CPNE8: variants seen among roughly 807,000 people sequenced by gnomAD.
CPNE8 encodes the protein copine-8.
A neutral mutation model predicts 81.5 loss-of-function variants in CPNE8; 45 were observed. The observed-to-expected ratio is 0.55, with a 90% CI of 0.44 to 0.71. CPNE8 has a LOEUF of 0.71. CPNE8 is among the 30% of genes least tolerant of loss of function. The pLI is 0.00. For missense variants in CPNE8, 594 were observed against 672.1 expected (o/e 0.88, Z 1.28); for synonymous variants, 252 against 226.3 (o/e 1.11, Z -1.02).
At chr12:38,774,419 A>T (rs1941878812) in intron 7 of CPNE8, among the ~76,000 whole-genome samples, 1 of 152,216 alleles carries the variant, frequency 6.6e-6, no homozygotes, top group African/African-American at 2.4e-5. Flanking sequence ...ACAAGTATAA[A>T]TGATGATTAG....
intron 1 of CPNE8, among the ~76,000 whole-genome samples, chr12:38,898,398 G>A (rs780006909): frequency 5.3e-5 from 8 of 152,052 alleles, no homozygotes; most frequent in Admixed American, 1.3e-4. Context: ...CTGAAACTCT[G>A]GGGCTAAGAC....
intron 6 of CPNE8, among the ~76,000 whole-genome samples, chr12:38,820,353 C>T (rs1038034901): frequency 5.3e-5 from 8 of 151,326 alleles, no homozygotes; most frequent in Non-Finnish European, 7.4e-5. Context: ...TGCAGTGAGC[C>T]GAGATTGTGC....
At chr12:38,776,469 C>A (rs1250699459) in intron 6 of CPNE8, among the ~76,000 whole-genome samples, 168 bp from the exon 7 acceptor site, 6 of 151,498 alleles carry the variant, frequency 4.0e-5, no homozygotes, top group African/African-American at 1.5e-4. Context: ...ACAGGCCCAG[C>A]TAAATTTTGT....
At chr12:38,705,366 T>C (rs1477119555) in intron 13 of CPNE8, among the ~76,000 whole-genome samples, 1 of 152,146 alleles carries the variant, frequency 6.6e-6, no homozygotes, top group African/African-American at 2.4e-5. Context: ...CTAAATACAA[T>C]GCAGGGATTG....
At chr12:38,658,148 T>C (rs1284742551) in intron 19 of CPNE8, among the ~76,000 whole-genome samples, 1 of 151,970 alleles carries the variant, frequency 6.6e-6, no homozygotes, top group Admixed American at 6.6e-5. Context: ...GCTAAAAACC[T>C]TGAAAAAAGG....
At chr12:38,896,396 G>A (rs1380334686) in intron 1 of CPNE8, among the ~76,000 whole-genome samples, 1 of 152,052 alleles carries the variant, frequency 6.6e-6, no homozygotes, top group Non-Finnish European at 1.5e-5. Context: ...AAGGTATTGT[G>A]TATCAGGGAG....
At chr12:38,730,423 T>C (rs1157315321) in intron 10 of CPNE8, 65 bp from the exon 11 acceptor site, 1 of 892,854 alleles carries the variant, frequency 1.1e-6, no homozygotes, top group Non-Finnish European at 1.8e-6. Context: ...TATTTTAAAG[T>C]TTTTAGAAAG....
upstream of CPNE8, chr12:38,906,459 G>T (rs1317137637): frequency 4.1e-6 from 4 of 985,508 alleles, no homozygotes; most frequent in Non-Finnish European, 4.8e-6. Flanking sequence ...TACAGTAAGG[G>T]CTCTTCTGGG....
chr12:38,783,895 T>C (rs826882), intron 6 of CPNE8, among the ~76,000 whole-genome samples: 15,805 of 152,224 alleles, frequency 0.1, 988 homozygotes, highest in East Asian at 0.31. Context: ...CCAAGAAGAA[T>C]GGGTACCAAC....
chr12:38,789,162 G>T (rs1942267228), intron 6 of CPNE8, among the ~76,000 whole-genome samples: 1 of 151,678 alleles, frequency 6.6e-6, no homozygotes. Flanking sequence ...TAAGCAAAAA[G>T]AACAAAACTG....
At chr12:38,764,225 A>G (rs1592069164) in intron 8 of CPNE8, among the ~76,000 whole-genome samples, 2 of 152,296 alleles carry the variant, frequency 1.3e-5, no homozygotes, top group East Asian at 3.9e-4. Flanking sequence ...GAAGATGTCT[A>G]AAGCAGAAGA....
chr12:38,726,455 G>T (rs1940699719), intron 11 of CPNE8: 1 of 152,060 alleles, frequency 6.6e-6, no homozygotes, highest in African/African-American at 2.4e-5. Flanking sequence ...GGCGTCACTG[G>T]CAAGATCACA....
At chr12:38,722,305 T>C (rs1309973546) in intron 13 of CPNE8, among the ~76,000 whole-genome samples, 7 of 152,244 alleles carry the variant, frequency 4.6e-5, no homozygotes. Flanking sequence ...TTAACTTTAT[T>C]GAAACAACCA....
chr12:38,678,551 A>T (rs1175017967), intron 16 of CPNE8, among the ~76,000 whole-genome samples: 1 of 152,054 alleles, frequency 6.6e-6, no homozygotes, highest in South Asian at 2.1e-4. Flanking sequence ...GGATTAATGA[A>T]AATTCCTTTA....
At chr12:38,744,300 A>G (rs1941176435) in intron 10 of CPNE8, among the ~76,000 whole-genome samples, 1 of 152,202 alleles carries the variant, frequency 6.6e-6, no homozygotes, top group Non-Finnish European at 1.5e-5. Context: ...GAATTCCAGT[A>G]TTGTCTGGAT....
At chr12:38,850,139 A>T (rs1036256585) in intron 3 of CPNE8, among the ~76,000 whole-genome samples, 1 of 152,184 alleles carries the variant, frequency 6.6e-6, no homozygotes, top group African/African-American at 2.4e-5. Context: ...AACTGTGCAG[A>T]GGTCAGTAAG....
At chr12:38,666,957 C>A (rs527574945) in intron 19 of CPNE8, among the ~76,000 whole-genome samples, 1 of 152,252 alleles carries the variant, frequency 6.6e-6, no homozygotes, top group South Asian at 2.1e-4. Context: ...AATTCTATAG[C>A]TCTTAGCCTG....
intron 6 of CPNE8, among the ~76,000 whole-genome samples, chr12:38,806,352 A>C (rs1335887909): frequency 6.7e-6 from 1 of 149,688 alleles, no homozygotes; most frequent in African/African-American, 2.4e-5. Flanking sequence ...AAAAATCCTC[A>C]ATAAAATACT....
chr12:38,838,083 T>C (rs77411595), intron 5 of CPNE8, among the ~76,000 whole-genome samples: 1,908 of 152,230 alleles, frequency 0.013, 43 homozygotes, highest in African/African-American at 0.043. Context: ...ACTCCACTGA[T>C]AGGAAACACA....
Sources: gnomAD v4.1 joint callset for allele counts (sites outside exome capture counted in the v4.1 genomes callset) on GRCh38, gnomAD v4.1.1 for gene constraint, MANE v1.5 for transcripts, NCBI Gene and HGNC (gene_info 2026-07-23, HGNC 2026-07-21) for gene names.